The following A1CF variants were observed in gnomAD, a reference collection of about 807,000 sequenced individuals.
A1CF encodes the protein APOBEC1 complementation factor, also known as APOBEC-1 stimulating protein.
A1CF carries 48 observed loss-of-function variants against 68.9 expected under a neutral mutation model. The ratio of observed to expected loss-of-function variants is 0.70; its 90% CI spans 0.55 to 0.89. The LOEUF (loss-of-function observed/expected upper bound fraction) is 0.89, where lower values mean the gene tolerates loss of function less well. Among genes scored for constraint, A1CF ranks in the 40% least tolerant of loss-of-function variants. The probability of loss-of-function intolerance (pLI) is 0.00; values close to 1 mark genes in which losing one functional copy is unlikely to be tolerated. For missense variants in A1CF, 653 were observed against 718.9 expected, an observed-to-expected ratio of 0.91 and a Z score of 1.05; for synonymous variants, 272 against 260.4, an observed-to-expected ratio of 1.04 and a Z score of -0.43.
Position 50,816,230 on chromosome 10 carries a change from T to C in A1CF, c.917A>G (p.Lys306Arg). Residue 306 changes from lysine (K) to arginine (R), a missense_variant, in exon 9 of 13, where the codon AAG (lysine) becomes AGG (arginine). Transcript: ENST00000373997. ...TCGGGTATACCTAACATAACTGTCCTTGTCCACTGGTTTTGCTAGGGTGAC... is the reference window on the plus strand; with the variant it reads ...TCGGGTATACCTAACATAACTGTCCCTGTCCACTGGTTTTGCTAGGGTGAC... ...IEVTLAKPVD[K>R]DSYVRYTRGT... 6.2e-7 allele frequency: 1 copy of C among 1,613,738 alleles called. No individual in the cohort carries two copies. Among genetic ancestry groups the C allele is most frequent in the South Asian group, 1.1e-5 (1 of 91,070 alleles).
intron 3 of A1CF, among the ~76,000 whole-genome samples, chr10:50,852,180 C>T (rs1840277323): frequency 6.6e-6 from 1 of 152,218 alleles, no homozygotes; most frequent in Non-Finnish European, 1.5e-5. Context: ...TAAGGGAAAG[C>T]ACTACCTTGT....
At chr10:50,878,296 T>C (rs1353785597) in intron 1 of A1CF, among the ~76,000 whole-genome samples, 3 of 152,230 alleles carry the variant, frequency 2.0e-5, no homozygotes, top group South Asian at 2.1e-4. Context: ...TATTTTCCTC[T>C]AGTAAAGCAT....
intron 5 of A1CF, among the ~76,000 whole-genome samples, chr10:50,838,367 C>T (rs1839619653): frequency 6.6e-6 from 1 of 152,046 alleles, no homozygotes; most frequent in Admixed American, 6.6e-5. Flanking sequence ...AAATAATCTT[C>T]CAAGTTTTTT....
chr10:50,843,859 A>G (rs1474693089), intron 4 of A1CF, 129 bp downstream of exon 4: 2 of 1,147,396 alleles, frequency 1.7e-6, no homozygotes, highest in Admixed American at 4.3e-5. Context: ...AACTTTGTCT[A>G]TAATTGAGGA....
chr10:50,809,602 G>A (rs1052315547), intron 12 of A1CF, among the ~76,000 whole-genome samples: 4 of 151,942 alleles, frequency 2.6e-5, no homozygotes, highest in Non-Finnish European at 5.9e-5. Context: ...TCAAACTCTC[G>A]TACTAAAAGT....
intron 3 of A1CF, among the ~76,000 whole-genome samples, chr10:50,854,154 C>T (rs577994222): frequency 2.0e-4 from 30 of 151,716 alleles, no homozygotes; most frequent in African/African-American, 4.3e-4. Context: ...GTGATAAAAA[C>T]GATCTGCATT....
intron 1 of A1CF, among the ~76,000 whole-genome samples, chr10:50,881,853 A>T (rs187228117): frequency 3.9e-5 from 6 of 152,332 alleles, no homozygotes; most frequent in Non-Finnish European, 7.4e-5. Flanking sequence ...TTCTCTCTTA[A>T]TATTACCAGG....
At chr10:50,840,347 T>C (rs548928727) in intron 5 of A1CF, among the ~76,000 whole-genome samples, 1 of 152,270 alleles carries the variant, frequency 6.6e-6, no homozygotes, top group Non-Finnish European at 1.5e-5. Context: ...GTAAAGTTGT[T>C]ATAGCAATAA....
chr10:50,883,741 T>C (rs1841882501), intron 1 of A1CF, among the ~76,000 whole-genome samples: 1 of 152,208 alleles, frequency 6.6e-6, no homozygotes. Flanking sequence ...ATAGTTGTGA[T>C]AAATGACAAT....
intron 4 of A1CF, 57 bp from the exon 5 acceptor site, chr10:50,842,049 G>T: frequency 1.4e-6 from 2 of 1,470,174 alleles, no homozygotes; most frequent in Non-Finnish European, 1.9e-6. Context: ...CTGAATGTAT[G>T]TGTGCATGTG....
chr10:50,814,451 C>CT (rs1838273179), intron 9 of A1CF, among the ~76,000 whole-genome samples: 1 of 152,272 alleles, frequency 6.6e-6, no homozygotes, highest in African/African-American at 2.4e-5. Flanking sequence ...TGAAATCAGT[C>CT]TTGCATAGAG....
In A1CF at chr10:50,800,643, A is replaced by G. The variant is rs1187598094; in HGVS notation, c.*6086T>C. On this transcript the variant is annotated 3_prime_UTR_variant, in exon 13 of 13. Coordinates refer to ENST00000373997, the MANE Select transcript of A1CF (RefSeq NM_014576.4). ...TGATCATATATTCTCTGAAGAATAGATTTGAGGGTTAATAACAATAGAGCC... is the reference window on the plus strand; with the variant it reads ...TGATCATATATTCTCTGAAGAATAGGTTTGAGGGTTAATAACAATAGAGCC... 6.6e-6 allele frequency: 1 copy of G among 152,182 alleles called. No individual in the cohort carries two copies. Among genetic ancestry groups the G allele is most frequent in the Non-Finnish European group, 1.5e-5 (1 of 68,032 alleles). 9.4% of individuals were successfully genotyped at this position (152,182 alleles called of 1,614,324 possible).
chr10:50,815,677 G>A (rs1342274336), intron 9 of A1CF, among the ~76,000 whole-genome samples: 1 of 152,144 alleles, frequency 6.6e-6, no homozygotes, highest in Non-Finnish European at 1.5e-5. Context: ...AGCCACAGAT[G>A]ACTACACAGT....
intron 7 of A1CF, chr10:50,823,933 T>C (rs1162338441): frequency 2.6e-5 from 4 of 152,168 alleles, no homozygotes; most frequent in African/African-American, 4.8e-5. Flanking sequence ...TCTGTTTGTT[T>C]CCAGAAATTT....
chr10:50,857,431 A>C (rs924716506), intron 3 of A1CF, among the ~76,000 whole-genome samples: 1 of 152,184 alleles, frequency 6.6e-6, no homozygotes, highest in African/African-American at 2.4e-5. Context: ...AGGTAGCAGG[A>C]AACTATTTTT....
intron 3 of A1CF, among the ~76,000 whole-genome samples, chr10:50,855,220 CATA>C (rs1213752977): frequency 1.3e-5 from 2 of 151,806 alleles, no homozygotes; most frequent in Admixed American, 1.3e-4. Context: ...AAAGACTCAT[CATA>C]ATGTAATTTT....
intron 3 of A1CF, among the ~76,000 whole-genome samples, chr10:50,859,315 G>A (rs1840630312): frequency 6.6e-6 from 1 of 152,124 alleles, no homozygotes; most frequent in Admixed American, 6.5e-5. Flanking sequence ...AGATTGTGGT[G>A]TTTTCTTTTT....
intron 6 of A1CF, 162 bp from the exon 7 acceptor site, chr10:50,828,457 T>C (rs1839076699): frequency 2.1e-6 from 1 of 468,782 alleles, no homozygotes. Context: ...ACATTCCAAG[T>C]GGAGTAGCTG....
intron 1 of A1CF, among the ~76,000 whole-genome samples, chr10:50,873,749 A>T (rs1841378419): frequency 6.6e-6 from 1 of 152,148 alleles, no homozygotes; most frequent in Non-Finnish European, 1.5e-5. Context: ...TAAAATCTAT[A>T]TACCATCCTA....
Sources: allele counts gnomAD v4.1 joint callset (sites outside exome capture counted in the v4.1 genomes callset), GRCh38; gene constraint gnomAD v4.1.1; transcripts MANE v1.5; gene names NCBI Gene and HGNC (gene_info 2026-07-23, HGNC 2026-07-21).